SMOX: variants seen among roughly 807,000 people sequenced by gnomAD.
SMOX encodes the protein flavin containing amine oxidase.
Under a neutral mutation model 51.0 loss-of-function variants are expected in SMOX, and 22 were observed. That is an observed-to-expected ratio of 0.43 (90% CI 0.31 to 0.62). The LOEUF (loss-of-function observed/expected upper bound fraction) is 0.62, where lower values mean the gene tolerates loss of function less well. SMOX is among the 20% of genes least tolerant of loss of function. The pLI is 0.10. For missense variants in SMOX, 566 were observed against 777.7 expected (o/e 0.73, Z 3.24); for synonymous variants, 282 against 307.8 (o/e 0.92, Z 0.88).
In SMOX at chr20:4,177,404, C is replaced by G; in HGVS notation, c.262C>G (p.Pro88Ala). ...CTGGATCCATGGCTCCCATGGGAAC[C>G]CTATCTATCATCTAGCAGAAGCCAA... ...ATWIHGSHGNPIYHLAEANGL... is the reference protein window; with the variant it reads ...ATWIHGSHGNAIYHLAEANGL... The change falls in exon 3 of 7, where the codon CCT becomes GCT. Residue 88 changes from proline (P) to alanine (A), a missense_variant. By Grantham distance (27) the Pro-to-Ala change is conservative (BLOSUM62 -1). Transcript: ENST00000305958. The surrounding 1 kb of genome is among the most constrained non-coding windows in gnomAD (Gnocchi z 4.3). 6.4e-7 allele frequency: 1 copy of G among 1,557,040 alleles called. No individual in the cohort carries two copies. The highest frequency in any genetic ancestry group is 8.7e-7 in the Non-Finnish European group (1 of 1,149,644).
At chr20:4,176,426 G>A (rs553122596) in intron 2 of SMOX, among the ~76,000 whole-genome samples, 27 of 152,194 alleles carry the variant, frequency 1.8e-4, no homozygotes, top group Non-Finnish European at 2.4e-4. Context: ...GCAAAGTCAC[G>A]TTGCAAAGGG....
At chr20:4,178,907 T>C (rs1406905177) in intron 3 of SMOX, among the ~76,000 whole-genome samples, 3 of 152,184 alleles carry the variant, frequency 2.0e-5, no homozygotes, top group Non-Finnish European at 4.4e-5. Context: ...GGTCTCGAAC[T>C]CCTGACCTCA....
At chr20:4,178,611 A>T (rs961289420) in intron 3 of SMOX, among the ~76,000 whole-genome samples, 1 of 152,104 alleles carries the variant, frequency 6.6e-6, no homozygotes, top group African/African-American at 2.4e-5. Context: ...TAGTGTAATG[A>T]ATGATCCTTC....
intron 3 of SMOX, among the ~76,000 whole-genome samples, chr20:4,178,047 G>T (rs1049863942): frequency 2.6e-5 from 4 of 152,132 alleles, no homozygotes; most frequent in African/African-American, 7.2e-5. Context: ...TTTTGTTGTT[G>T]TTGTTTGTTT....
chr20:4,168,999 G>A (rs1986708014), intron 1 of SMOX, among the ~76,000 whole-genome samples: 1 of 151,370 alleles, frequency 6.6e-6, no homozygotes, highest in Admixed American at 6.6e-5. Flanking sequence ...CCAGACTAGA[G>A]TGCTGTGGTG....
At chr20:4,176,750 TCCCCTGC>T (rs1331148687) in intron 2 of SMOX, among the ~76,000 whole-genome samples, 1 of 152,142 alleles carries the variant, frequency 6.6e-6, no homozygotes, top group East Asian at 1.9e-4. Flanking sequence ...CCACGAGATG[TCCCCTGC>T]CCCAGTCCGG....
At chr20:4,180,290 C>G (rs1191324304) in intron 3 of SMOX, among the ~76,000 whole-genome samples, 1 of 152,178 alleles carries the variant, frequency 6.6e-6, no homozygotes, top group African/African-American at 2.4e-5. Flanking sequence ...GGAGGCCTTC[C>G]CCTTGAGTGA....
rs145322196 is a variant in SMOX at position 4,165,328 on chromosome 20, A to G, written c.-26-9702A>G. Among the ~76,000 whole-genome samples the G allele has an allele frequency of 1.3e-3, 196 of 152,224 alleles. 1 individual carries two copies. Among genetic ancestry groups the G allele is most frequent in the African/African-American group, 4.6e-3 (189 of 41,538 alleles). On this transcript the variant is annotated intron_variant, in intron 1 of 6. Coordinates refer to ENST00000305958, the MANE Select transcript of SMOX (RefSeq NM_175839.3). ...CTTGGCCTCCCAAAGTGCTGGGATT[A>G]CAGGCCTGAGCCACCGCACCCGGCC...
Position 4,167,722 on chromosome 20 carries a change from G to C in SMOX, c.-26-7308G>C, listed in dbSNP as rs1986627693. ...CCTCTTCTGTCTCCTGGGTTCATGAGCTGCCCCTGCTCTGTTCCCCACACC... is the reference window on the plus strand; with the variant it reads ...CCTCTTCTGTCTCCTGGGTTCATGACCTGCCCCTGCTCTGTTCCCCACACC... On this transcript the variant is annotated intron_variant, in intron 1 of 6. Coordinates refer to ENST00000305958, the MANE Select transcript of SMOX (RefSeq NM_175839.3). This position sits in a 1 kb window ranked among gnomAD's most constrained non-coding sequence, Gnocchi z 4.8. Among the ~76,000 whole-genome samples, 1 of 152,148 alleles carries C rather than the reference G, an allele frequency of 6.6e-6. No individual in the cohort carries two copies. The highest frequency in any genetic ancestry group is 2.4e-5 in the African/African-American group (1 of 41,424).
rs1265109750 is a variant in SMOX at position 4,160,995 on chromosome 20, G to A, written c.-27+12018G>A. On this transcript the variant is annotated intron_variant, in intron 1 of 6. Transcript: ENST00000305958. The stretch of plus-strand genomic sequence containing the variant: ...GCTTTGTGCAGAGTCACGAGGGGCC[G>A]CTGAGGGGGAACTGCGCCCGGCTGA... 2.6e-5 allele frequency among the ~76,000 whole-genome samples: 4 copies of A among 152,252 alleles called. 1 individual carries two copies. Among genetic ancestry groups the A allele is most frequent in the South Asian group, 4.1e-4 (2 of 4,834 alleles).
chr20:4,187,597 G>A lies in SMOX; in HGVS notation c.*190G>A. The A allele has an allele frequency of 1.3e-6, 1 of 769,072 alleles. No individual in the cohort carries two copies. Among genetic ancestry groups the A allele is most frequent in the Non-Finnish European group, 2.0e-6 (1 of 503,680 alleles). The allele number at this position is 769,072 out of a possible 1,614,324, so 47.6% of individuals were successfully genotyped here. A position where few individuals can be genotyped will look rare whatever the true frequency, so the allele number is the denominator to read the frequency against. ...CTCCAGGCTGGGCCGTGAGCAGGTG[G>A]GCCGTTGAGTTACCTCTGTGCTGGA... On this transcript the variant is annotated 3_prime_UTR_variant, in exon 7 of 7. Coordinates refer to ENST00000305958, the MANE Select transcript of SMOX (RefSeq NM_175839.3). This position sits in a 1 kb window ranked among gnomAD's most constrained non-coding sequence, Gnocchi z 4.8.
intron 1 of SMOX, among the ~76,000 whole-genome samples, chr20:4,155,853 G>C (rs1383925375): frequency 6.6e-6 from 1 of 152,112 alleles, no homozygotes; most frequent in African/African-American, 2.4e-5. Flanking sequence ...AAAGGGCAAA[G>C]GTTCCACTGC....
intron 1 of SMOX, among the ~76,000 whole-genome samples, chr20:4,161,844 C>G (rs1986339486): frequency 6.6e-6 from 1 of 152,228 alleles, no homozygotes; most frequent in Non-Finnish European, 1.5e-5. Context: ...AAAAATCTGT[C>G]CCCTGCTACT....
At chr20:4,161,943 T>C (rs963011046) in intron 1 of SMOX, among the ~76,000 whole-genome samples, 1 of 152,200 alleles carries the variant, frequency 6.6e-6, no homozygotes, top group African/African-American at 2.4e-5. Context: ...GCCGGGAACG[T>C]GCCCCCCGCC....
rs1347242394 is a variant in SMOX at position 4,149,404 on chromosome 20, C to T, written c.-27+427C>T. ...GACGCCCCGCGACGACTCGGGCTGC[C>T]GGGAGGGTGGGCACCGGGGAGAGGA... On this transcript the variant is annotated intron_variant, in intron 1 of 6. Transcript: ENST00000305958. The surrounding 1 kb of genome is among the most constrained non-coding windows in gnomAD (Gnocchi z 6.0). Among the ~76,000 whole-genome samples the T allele has an allele frequency of 6.6e-6, 1 of 151,698 alleles. No homozygotes were observed. Among genetic ancestry groups the T allele is most frequent in the Non-Finnish European group, 1.5e-5 (1 of 67,930 alleles).
intron 1 of SMOX, among the ~76,000 whole-genome samples, chr20:4,171,254 A>G (rs1028393891): frequency 2.5e-4 from 38 of 152,222 alleles, no homozygotes; most frequent in African/African-American, 9.2e-4. Context: ...CTCCTTCCTC[A>G]GTAAGGCAGT....
intron 1 of SMOX, among the ~76,000 whole-genome samples, chr20:4,171,171 G>C (rs537353879): frequency 1.6e-4 from 25 of 152,298 alleles, no homozygotes; most frequent in African/African-American, 4.6e-4. Flanking sequence ...TCAAGGAGCG[G>C]ATGTTATTTC....
rs1978468398 is a variant in SMOX at position 4,172,388 on chromosome 20, GC to G, written c.-26-2638del. Among the ~76,000 whole-genome samples, 1 of 152,154 alleles carries G rather than the reference GC, an allele frequency of 6.6e-6. No homozygotes were observed. Among genetic ancestry groups the G allele is most frequent in the African/African-American group, 2.4e-5 (1 of 41,448 alleles). ...GCATCGCCGCTGACCCTCCCCGCCC[GC>G]CCCGTGCAGGCGGCCACATCCTCAC... is the stretch of plus-strand genomic sequence containing the variant. On this transcript the variant is annotated intron_variant, in intron 1 of 6. Coordinates refer to ENST00000305958, the MANE Select transcript of SMOX (RefSeq NM_175839.3). The surrounding 1 kb of genome is among the most constrained non-coding windows in gnomAD (Gnocchi z 7.7).
intron 2 of SMOX, chr20:4,175,906 G>GT (rs1491542337): frequency 1.8e-5 from 1 of 57,038 alleles, no homozygotes; most frequent in Non-Finnish European, 6.1e-5. Context: ...GGGAGGGGGT[G>GT]GGGGGGGGAT....
Sources: gnomAD v4.1 joint callset for allele counts (sites outside exome capture counted in the v4.1 genomes callset) on GRCh38, gnomAD v4.1.1 for gene constraint, Gnocchi (gnomAD v3.1) non-coding constraint, MANE v1.5 for transcripts, NCBI Gene and HGNC (gene_info 2026-07-23, HGNC 2026-07-21) for gene names.